Variants in PARK7 observed in about 807,000 individuals in gnomAD.
The protein encoded by PARK7 is Parkinsonism associated deglycase.
PARK7 carries 14 observed loss-of-function variants against 20.5 expected under a neutral mutation model. That is an observed-to-expected ratio of 0.68 (90% CI 0.45 to 1.07). The LOEUF (loss-of-function observed/expected upper bound fraction) is 1.07. Ranked by LOEUF, PARK7 falls within the 50% of genes least tolerant of loss-of-function variation. The pLI is 0.00. For synonymous variants in PARK7, 98 were observed against 84.3 expected, an observed-to-expected ratio of 1.16 and a Z score of -0.89; for missense variants, 234 against 238.1, an observed-to-expected ratio of 0.98 and a Z score of 0.11.
At chr1:7,971,251 G>C (rs1640459630) in intron 5 of PARK7, 1 of 453,936 alleles carries the variant, frequency 2.2e-6, no homozygotes, top group Non-Finnish European at 4.1e-6. Context: ...TAAACAGCTT[G>C]TTACAGCAAG....
intron 6 of PARK7, among the ~76,000 whole-genome samples, chr1:7,980,871 TTTC>T (rs921263907): frequency 6.6e-6 from 1 of 152,012 alleles, no homozygotes; most frequent in African/African-American, 2.4e-5. Flanking sequence ...TTTTTCTTTT[TTTC>T]TTATCTTTTT....
chr1:7,974,126 A>C (rs1291660262), intron 5 of PARK7, among the ~76,000 whole-genome samples: 3 of 141,840 alleles, frequency 2.1e-5, no homozygotes, highest in Non-Finnish European at 4.7e-5. Flanking sequence ...CCTGGGCAAC[A>C]TAGTGAGACC....
rs538300305 is a variant in PARK7, at chr1:7,969,354, G to C, written c.202G>C (p.Asp68His). ...TTTTAAACTGTTACAGGGACCATAT[G>C]ATGTGGTGGTTCTACCAGGAGGTAA... ...LEDAKKEGPY[D>H]VVVLPGGNLG... Residue 68 changes from aspartate to histidine, a missense_variant, in exon 4 of 7, where the codon GAT becomes CAT. Transcript: ENST00000338639. 1.9e-6 allele frequency: 3 copies of C among 1,610,322 alleles called. No individual in the cohort carries two copies. The highest frequency in any genetic ancestry group is 3.3e-5 in the Admixed American group (2 of 59,922).
At position 7,977,700 on chromosome 1, in the gene PARK7, C is replaced by G. The variant is rs371246061; in HGVS notation, c.371C>G (p.Thr124Arg). The G allele has an allele frequency of 6.2e-7, 1 of 1,614,002 alleles. No homozygotes were observed. The highest frequency in any genetic ancestry group is 1.3e-5 in the African/African-American group (1 of 74,932). ...AHEIGFGSKV[T>R]THPLAKDKMM... ...GAAATAGGTTTTGGAAGTAAAGTTACAACACACCCTCTTGCTAAAGACAAA... is the reference window on the plus strand; with the variant it reads ...GAAATAGGTTTTGGAAGTAAAGTTAGAACACACCCTCTTGCTAAAGACAAA... Residue 124 changes from threonine to arginine, a missense_variant, in exon 6 of 7, where the codon ACA (threonine) becomes AGA (arginine). By Grantham distance (71) the Thr-to-Arg change is moderately conservative. Transcript: ENST00000338639.
chr1:7,982,004 C>CT (rs371224585), intron 6 of PARK7, among the ~76,000 whole-genome samples: 1 of 102,922 alleles, frequency 9.7e-6, no homozygotes, highest in African/African-American at 3.8e-5. Flanking sequence ...GAGACGGAGT[C>CT]TTGCTCTCTC....
chr1:7,977,662 T>A lies in PARK7; in HGVS notation c.333T>A (p.Ala111=). The A allele has an allele frequency of 6.2e-7, 1 of 1,613,894 alleles. No homozygotes were observed. The highest frequency in any genetic ancestry group is 8.5e-7 in the Non-Finnish European group (1 of 1,179,794). The part of the protein sequence containing the change: ...LIAAICAGPT[A]LLAHEIGFGS... Reference sequence around the variant, plus strand: ...TATTTTTATTCTTAGGTCCTACTGCTCTGTTGGCTCATGAAATAGGTTTTG... The same window carrying A: ...TATTTTTATTCTTAGGTCCTACTGCACTGTTGGCTCATGAAATAGGTTTTG... Residue 111 remains alanine, a synonymous_variant, in exon 6 of 7, where the codon GCT becomes GCA. Coordinates refer to ENST00000338639, the MANE Select transcript of PARK7 (RefSeq NM_007262.5).
At position 7,967,053 on chromosome 1, in the gene PARK7, C is replaced by T. The variant is rs777614786; in HGVS notation, c.192+1628C>T. 3.3e-5 allele frequency among the ~76,000 whole-genome samples: 5 copies of T among 152,328 alleles called. No individual in the cohort carries two copies. The South Asian group carries it at 1.0e-3, about 32-fold the overall frequency. On this transcript the variant is annotated intron_variant, in intron 3 of 6. Transcript: ENST00000338639. ...TAATTTTGTATCTTTTAACAAATCT[C>T]TCCCTATCCCCACTTTCTCCTATCC... is the stretch of plus-strand genomic sequence containing the variant.
rs1237913000 is a variant in PARK7, at chr1:7,965,296, C to T, written c.91-28C>T. The T allele has an allele frequency of 2.5e-6, 4 of 1,585,222 alleles. No individual in the cohort carries two copies. The Admixed American group carries it at 6.7e-5, about 26-fold the overall frequency. On this transcript the variant is annotated intron_variant, in intron 2 of 6. Transcript: ENST00000338639. ...TACTCTGAATTTATGTTTCAGTGTT[C>T]TTAAATATGATAACATCTTTCTCGT...
chr1:7,963,819 C>CTTT (rs34787365), intron 2 of PARK7, among the ~76,000 whole-genome samples: 1 of 144,372 alleles, frequency 6.9e-6, no homozygotes. Flanking sequence ...GCATGTGTGT[C>CTTT]TTTTTTTTTT....
rs1640796966 is a variant in PARK7 at position 7,985,296 on chromosome 1, G to A, written c.*242G>A. ...TTTAGCAAACTACTGATTGTTTCTTGTTTTGTCTCTCATTTCTTTTGTGAA... is the reference window on the plus strand; with the variant it reads ...TTTAGCAAACTACTGATTGTTTCTTATTTTGTCTCTCATTTCTTTTGTGAA... On this transcript the variant is annotated 3_prime_UTR_variant, in exon 7 of 7. Transcript: ENST00000338639. 1.1e-5 allele frequency: 6 copies of A among 523,498 alleles called. No homozygotes were observed. The highest frequency in any genetic ancestry group is 2.1e-5 in the Non-Finnish European group (6 of 291,966). The allele number at this position is 523,498 out of a possible 1,614,324, so 32.4% of individuals were successfully genotyped here.
intron 4 of PARK7, 118 bp from the exon 5 acceptor site, chr1:7,970,776 A>G: frequency 1.1e-6 from 1 of 914,532 alleles, no homozygotes; most frequent in Non-Finnish European, 1.8e-6. Flanking sequence ...TATTGTTGGA[A>G]AATAGGTCAG....
intron 2 of PARK7, among the ~76,000 whole-genome samples, chr1:7,963,600 C>G (rs1578090421): frequency 6.6e-6 from 1 of 151,900 alleles, no homozygotes; most frequent in Non-Finnish European, 1.5e-5. Context: ...GTCTCGAACT[C>G]CTGGCTTCAA....
chr1:7,982,939 G>A (rs1026025831), intron 6 of PARK7: 1 of 152,222 alleles, frequency 6.6e-6, no homozygotes, highest in African/African-American at 2.4e-5. Flanking sequence ...AGGTGTAACT[G>A]CCTGTGAACG....
chr1:7,981,603 A>G (rs953660406), intron 6 of PARK7, among the ~76,000 whole-genome samples: 3 of 151,992 alleles, frequency 2.0e-5, no homozygotes, highest in Non-Finnish European at 4.4e-5. Flanking sequence ...AAAAACAGGC[A>G]GCAACCTGGC....
intron 5 of PARK7, among the ~76,000 whole-genome samples, chr1:7,974,889 C>T (rs1200935067): frequency 2.2e-5 from 3 of 136,570 alleles, no homozygotes; most frequent in Non-Finnish European, 3.1e-5. Context: ...GAGCTTTGCT[C>T]TTGTTGCCCA....
chr1:7,974,837 GA>G (rs1640543735), intron 5 of PARK7, among the ~76,000 whole-genome samples: 1 of 145,440 alleles, frequency 6.9e-6, no homozygotes, highest in African/African-American at 2.6e-5. Context: ...TTGGCAAACA[GA>G]AAAATAAGAT....
At chr1:7,966,125 G>T (rs545610649) in intron 3 of PARK7, among the ~76,000 whole-genome samples, 7 of 152,122 alleles carry the variant, frequency 4.6e-5, no homozygotes, top group African/African-American at 1.4e-4. Flanking sequence ...AGGCGCTTTT[G>T]CACACTCCGT....
intron 2 of PARK7, among the ~76,000 whole-genome samples, chr1:7,963,853 G>C (rs1338803444): frequency 6.9e-6 from 1 of 144,630 alleles, no homozygotes; most frequent in South Asian, 2.1e-4. Flanking sequence ...GTCTTGCTCT[G>C]TCACCCAGGC....
At position 7,985,347 on chromosome 1, in the gene PARK7, G is replaced by T. The variant is rs1034319312; in HGVS notation, c.*293G>T. On this transcript the variant is annotated 3_prime_UTR_variant, in exon 7 of 7. Coordinates refer to ENST00000338639, the MANE Select transcript of PARK7 (RefSeq NM_007262.5). ...ATTAAATTCCGTATCACCTTCATTT[G>T]CAGCTCTTAACTGTCCATATGGCAC... The T allele has an allele frequency of 2.4e-6, 1 of 412,814 alleles. No individual in the cohort carries two copies. 25.6% of individuals were successfully genotyped at this position (412,814 alleles called of 1,614,324 possible).
Sources: allele counts gnomAD v4.1 joint callset (sites outside exome capture counted in the v4.1 genomes callset), GRCh38; gene constraint gnomAD v4.1.1; transcripts MANE v1.5; gene names NCBI Gene and HGNC (gene_info 2026-07-23, HGNC 2026-07-21).